The following FHIP2A variants were observed in gnomAD, a reference collection of about 807,000 sequenced individuals.
FHIP2A encodes the protein FHF complex subunit HOOK interacting protein 2A, also known as family with sequence similarity 160 member B1.
Under a neutral mutation model 93.5 loss-of-function variants are expected in FHIP2A, and 46 were observed. The observed-to-expected ratio is 0.49, with a 90% CI of 0.39 to 0.63. The LOEUF (loss-of-function observed/expected upper bound fraction) is 0.63, where lower values mean the gene tolerates loss of function less well. Ranked by LOEUF, FHIP2A falls within the 20% of genes least tolerant of loss-of-function variation. The pLI is 0.00. For synonymous variants in FHIP2A, 332 were observed against 326.5 expected (o/e 1.02, Z -0.18); for missense variants, 769 against 909.7 (o/e 0.85, Z 1.99).
chr10:114,826,066 A>G (rs375619642), intron 1 of FHIP2A, among the ~76,000 whole-genome samples: 79 of 152,340 alleles, frequency 5.2e-4, no homozygotes, highest in African/African-American at 1.8e-3. Flanking sequence ...CCACAAATCA[A>G]ATGTATCTCA....
At chr10:114,835,741 C>T in intron 4 of FHIP2A, 100 bp downstream of exon 4, 1 of 746,054 alleles carries the variant, frequency 1.3e-6, no homozygotes, top group Non-Finnish European at 2.1e-6. Context: ...TGAAATTATT[C>T]CAAAATTAAC....
At chr10:114,829,454 A>G (rs1425701001) in intron 1 of FHIP2A, among the ~76,000 whole-genome samples, 1 of 152,256 alleles carries the variant, frequency 6.6e-6, no homozygotes, top group Non-Finnish European at 1.5e-5. Flanking sequence ...CACTAGTGGG[A>G]GTGGCTCTTA....
chr10:114,836,827 G>A (rs1395910607), intron 5 of FHIP2A, among the ~76,000 whole-genome samples: 1 of 151,852 alleles, frequency 6.6e-6, no homozygotes, highest in East Asian at 1.9e-4. Flanking sequence ...CTTTTTTTCA[G>A]CAGTGAAGTC....
intron 5 of FHIP2A, 96 bp downstream of exon 5, chr10:114,836,342 T>C: frequency 1.0e-6 from 1 of 990,216 alleles, no homozygotes; most frequent in Admixed American, 2.2e-5. Flanking sequence ...AGCTCTGTTT[T>C]GCAGGTTATT....
chr10:114,860,424 C>T (rs995090571), intron 14 of FHIP2A, among the ~76,000 whole-genome samples: 2 of 152,086 alleles, frequency 1.3e-5, no homozygotes, highest in Non-Finnish European at 2.9e-5. Context: ...GTGATCTCGG[C>T]CCACTGCAAC....
chr10:114,846,028 C>G lies in FHIP2A; in HGVS notation c.1144C>G (p.Leu382Val), dbSNP rs1267254055. 3 of 1,613,282 alleles carry G rather than the reference C, an allele frequency of 1.9e-6. No individual in the cohort carries two copies. Among genetic ancestry groups the G allele is most frequent in the African/African-American group, 1.3e-5 (1 of 74,946 alleles). The change falls in exon 9 of 17, where the codon CTT becomes GTT. Residue 382 changes from leucine to valine, a missense_variant. Transcript: ENST00000369248. ...TATATTCTAGACTGCTGCTGTTGCT[C>G]TTGCCAAAGCTGTTCATGAAAGATT... ...KEAQKTAAVA[L>V]AKAVHERFFI...
Position 114,860,796 on chromosome 10 carries a change from T to G in FHIP2A, c.1995T>G (p.Ser665=), listed in dbSNP as rs1379038738. Residue 665 remains serine (S), a synonymous_variant, in exon 15 of 17, where the codon TCT becomes TCG. Coordinates refer to ENST00000369248, the MANE Select transcript of FHIP2A (RefSeq NM_020940.4). ...LQVTSVLSRL[S]LFPHPHIHEY... ...TAACCTCAGTGTTATCTAGACTTTC[T>G]CTCTTCCCTCATCCACACATCCACG... 3.7e-6 allele frequency: 6 copies of G among 1,608,886 alleles called. No individual in the cohort carries two copies. The African/African-American group carries it at 8.0e-5, about 22-fold the overall frequency.
intron 16 of FHIP2A, among the ~76,000 whole-genome samples, chr10:114,872,561 C>G (rs988780588): frequency 5.9e-5 from 9 of 152,166 alleles, no homozygotes; most frequent in African/African-American, 1.9e-4. Context: ...TTTCTGTAAT[C>G]TCTCCAGTTG....
At position 114,847,204 on chromosome 10, in the gene FHIP2A, A is replaced by G; in HGVS notation, c.1683A>G (p.Gly561=). ...CTCCAGACCACCCCAAAAATGATGGAAAAACTGAAGTTCATAAAATTGTAA... is the reference window on the plus strand; with the variant it reads ...CTCCAGACCACCCCAAAAATGATGGGAAAACTGAAGTTCATAAAATTGTAA... ...PATPDHPKND[G]KTEVHKIVNS... The change falls in exon 12 of 17, where the codon GGA becomes GGG. Residue 561 remains glycine, a synonymous_variant. Transcript: ENST00000369248. The G allele has an allele frequency of 6.2e-7, 1 of 1,612,544 alleles. No homozygotes were observed. The highest frequency in any genetic ancestry group is 8.5e-7 in the Non-Finnish European group (1 of 1,179,580).
At chr10:114,894,651 C>A (rs1025088725) in intron 16 of FHIP2A, among the ~76,000 whole-genome samples, 1 of 152,094 alleles carries the variant, frequency 6.6e-6, no homozygotes, top group Non-Finnish European at 1.5e-5. Flanking sequence ...ATTAATTGGA[C>A]TGAGCATAGG....
chr10:114,848,489 T>C (rs755627462), intron 12 of FHIP2A, among the ~76,000 whole-genome samples, 158 bp from the exon 13 acceptor site: 2 of 152,222 alleles, frequency 1.3e-5, no homozygotes, highest in Non-Finnish European at 2.9e-5. Flanking sequence ...TTTGTATTAA[T>C]ACTTAGCTGA....
chr10:114,844,640 T>C (rs1006062808), intron 7 of FHIP2A, among the ~76,000 whole-genome samples: 1 of 152,226 alleles, frequency 6.6e-6, no homozygotes, highest in Non-Finnish European at 1.5e-5. Flanking sequence ...TATTTCTGTT[T>C]GTAGATCCCC....
chr10:114,848,605 G>A (rs1160575628), intron 12 of FHIP2A, 42 bp from the exon 13 acceptor site: 2 of 1,071,070 alleles, frequency 1.9e-6, no homozygotes, highest in African/African-American at 1.6e-5. Flanking sequence ...TTTTTTTCAT[G>A]CAAATGGACA....
intron 16 of FHIP2A, among the ~76,000 whole-genome samples, chr10:114,873,449 T>C (rs1161284249): frequency 6.6e-6 from 1 of 152,164 alleles, no homozygotes; most frequent in African/African-American, 2.4e-5. Flanking sequence ...AGTTATTCTT[T>C]CCCTCCCATT....
rs1426383981 is a variant in FHIP2A, at chr10:114,846,156, A to G, written c.1206-19A>G. 3 of 1,613,628 alleles carry G rather than the reference A, an allele frequency of 1.9e-6. No individual in the cohort carries two copies. The highest frequency in any genetic ancestry group is 2.2e-5 in the South Asian group (2 of 91,058). ...GTCATGTTATTTTTGCCCACTGACT[A>G]CCTGTTCATTGTGCTCAGTTCTGAG... On this transcript the variant is annotated intron_variant, in intron 9 of 16. Coordinates refer to ENST00000369248, the MANE Select transcript of FHIP2A (RefSeq NM_020940.4).
chr10:114,835,048 T>C (rs770924795), intron 3 of FHIP2A, among the ~76,000 whole-genome samples: 1 of 152,220 alleles, frequency 6.6e-6, no homozygotes, highest in Non-Finnish European at 1.5e-5. Context: ...ATCACAACAG[T>C]TTACACCATA....
intron 16 of FHIP2A, among the ~76,000 whole-genome samples, chr10:114,883,423 C>T (rs1215159511): frequency 6.6e-6 from 1 of 152,064 alleles, no homozygotes; most frequent in Non-Finnish European, 1.5e-5. Flanking sequence ...CCCTCACAAC[C>T]CACTCCCCAA....
chr10:114,874,655 A>G (rs368122172), intron 16 of FHIP2A, among the ~76,000 whole-genome samples: 1 of 152,050 alleles, frequency 6.6e-6, no homozygotes, highest in African/African-American at 2.4e-5. Flanking sequence ...GGCGCGTGCC[A>G]CCATGCCCCG....
intron 16 of FHIP2A, among the ~76,000 whole-genome samples, chr10:114,881,536 T>C (rs2083917153): frequency 1.3e-5 from 2 of 152,088 alleles, no homozygotes; most frequent in Non-Finnish European, 2.9e-5. Context: ...GTCTGGGACC[T>C]TCATTCCAGA....
Sources: allele counts gnomAD v4.1 joint callset (sites outside exome capture counted in the v4.1 genomes callset), GRCh38; gene constraint gnomAD v4.1.1; transcripts MANE v1.5; gene names NCBI Gene and HGNC (gene_info 2026-07-23, HGNC 2026-07-21).